The following PXK variants were observed in gnomAD, a reference collection of about 807,000 sequenced individuals.
PXK encodes PX domain-containing protein kinase-like protein.
In PXK, 35 loss-of-function variants were observed where a neutral mutation model predicts 84.7. That is an observed-to-expected ratio of 0.41 (90% CI 0.32 to 0.55). The LOEUF (loss-of-function observed/expected upper bound fraction) is 0.55. Among genes scored for constraint, PXK ranks in the 20% least tolerant of loss-of-function variants. The pLI is 0.21. For synonymous variants in PXK, 253 were observed against 260.8 expected (o/e 0.97, Z 0.29); for missense variants, 634 against 699.7 (o/e 0.91, Z 1.06).
chr3:58,340,718 T>C (rs1351724545), intron 1 of PXK, among the ~76,000 whole-genome samples: 1 of 150,128 alleles, frequency 6.7e-6, no homozygotes, highest in Non-Finnish European at 1.5e-5. Flanking sequence ...AGAGGGAAAC[T>C]CTGTCTCAAA....
At chr3:58,415,646 A>G (rs2060847101) in intron 17 of PXK, among the ~76,000 whole-genome samples, 1 of 152,218 alleles carries the variant, frequency 6.6e-6, no homozygotes, top group African/African-American at 2.4e-5. Flanking sequence ...TATAGAACCC[A>G]ATTTTGGTCT....
intron 1 of PXK, among the ~76,000 whole-genome samples, chr3:58,336,071 A>ATATATATATATATATT (rs1284780630): frequency 1.9e-4 from 10 of 51,576 alleles, no homozygotes; most frequent in South Asian, 6.3e-4. Context: ...ATATATATAT[A>ATATATATATATATATT]TTTTTTTTTT....
chr3:58,410,626 GA>G lies in PXK; in HGVS notation c.1465+468del, dbSNP rs373774824. Among the ~76,000 whole-genome samples, 1,202 of 152,334 alleles carry G rather than the reference GA, an allele frequency of 7.9e-3. 18 individuals carry two copies. Among genetic ancestry groups the G allele is most frequent in the African/African-American group, 0.027 (1,138 of 41,570 alleles). ...TGGCAAGAAACCGAGATGGTACAAA[GA>G]GCACTGTCCTGAGTTGGCAGTCCTT... is the stretch of plus-strand genomic sequence containing the variant. On this transcript the variant is annotated intron_variant, in intron 16 of 17. Coordinates refer to ENST00000356151, the MANE Select transcript of PXK (RefSeq NM_017771.5).
In PXK at chr3:58,416,815, G is replaced by A. The variant is rs745398358; in HGVS notation, c.1528+3852G>A. On this transcript the variant is annotated intron_variant, in intron 17 of 17. Coordinates refer to ENST00000356151, the MANE Select transcript of PXK (RefSeq NM_017771.5). The surrounding 1 kb of genome is among the most constrained non-coding windows in gnomAD (Gnocchi z 4.8). ...TTTTTGTATTTTTGATAGAGATGGG[G>A]TTTCACTACGTTGGCCAGGCTGGTC... Among the ~76,000 whole-genome samples the A allele has an allele frequency of 2.0e-5, 3 of 152,042 alleles. No individual in the cohort carries two copies. The highest frequency in any genetic ancestry group is 4.8e-5 in the African/African-American group (2 of 41,376).
intron 1 of PXK, among the ~76,000 whole-genome samples, chr3:58,351,081 A>T (rs1163914218): frequency 6.6e-6 from 1 of 152,190 alleles, no homozygotes; most frequent in African/African-American, 2.4e-5. Flanking sequence ...GAAAGTACTG[A>T]TGAGTAGTAA....
chr3:58,375,117 G>A (rs1273740441), intron 3 of PXK, among the ~76,000 whole-genome samples: 3 of 152,198 alleles, frequency 2.0e-5, no homozygotes, highest in Non-Finnish European at 4.4e-5. Context: ...GATACTTTAT[G>A]AAATTCACTC....
chr3:58,346,986 G>A (rs1243899679), intron 1 of PXK, among the ~76,000 whole-genome samples: 1 of 152,072 alleles, frequency 6.6e-6, no homozygotes, highest in Non-Finnish European at 1.5e-5. Context: ...CTACAGGCGC[G>A]TGCCACCATG....
intron 13 of PXK, among the ~76,000 whole-genome samples, chr3:58,405,197 AG>A (rs1456879763): frequency 6.6e-6 from 1 of 152,208 alleles, no homozygotes; most frequent in Admixed American, 6.5e-5. Flanking sequence ...CCATGGAAGT[AG>A]GTGGGAGACT....
chr3:58,368,389 CT>C (rs1233375326), intron 2 of PXK, among the ~76,000 whole-genome samples: 1 of 152,156 alleles, frequency 6.6e-6, no homozygotes, highest in Non-Finnish European at 1.5e-5. Context: ...GTGGAGCGAT[CT>C]CTGCTCACTG....
rs375283139 is a variant in PXK at position 58,370,842 on chromosome 3, T to A, written c.201+1364T>A. Among the ~76,000 whole-genome samples, 1,021 of 151,478 alleles carry A rather than the reference T, an allele frequency of 6.7e-3. 15 individuals carry two copies. Among genetic ancestry groups the A allele is most frequent in the African/African-American group, 0.023 (953 of 41,364 alleles). Reference sequence around the variant, plus strand: ...GGCGAAACCCTGTCTCTACTAAAAATACAAAAATTAGCTGGGTGTGGTGTG... The same window carrying A: ...GGCGAAACCCTGTCTCTACTAAAAAAACAAAAATTAGCTGGGTGTGGTGTG... On this transcript the variant is annotated intron_variant, in intron 3 of 17. Transcript: ENST00000356151. This position sits in a 1 kb window ranked among gnomAD's most constrained non-coding sequence, Gnocchi z 4.2.
chr3:58,424,298 C>T (rs2062466873), intron 17 of PXK, among the ~76,000 whole-genome samples: 1 of 152,168 alleles, frequency 6.6e-6, no homozygotes, highest in Non-Finnish European at 1.5e-5. Context: ...AAGAACTGTT[C>T]ACCCCTTATG....
chr3:58,390,103 A>G lies in PXK; in HGVS notation c.389-479A>G, dbSNP rs551061353. Reference sequence around the variant, plus strand: ...TGAGGTGGGAGGATCACTTGAGCCCAGGAGGTTGAGTTTGCAGTGAGCCAT... The same window carrying G: ...TGAGGTGGGAGGATCACTTGAGCCCGGGAGGTTGAGTTTGCAGTGAGCCAT... On this transcript the variant is annotated intron_variant, in intron 4 of 17. Coordinates refer to ENST00000356151, the MANE Select transcript of PXK (RefSeq NM_017771.5). The surrounding 1 kb of genome is among the most constrained non-coding windows in gnomAD (Gnocchi z 4.2). 1.3e-3 allele frequency among the ~76,000 whole-genome samples: 201 copies of G among 150,908 alleles called. No homozygotes were observed. Among genetic ancestry groups the G allele is most frequent in the Non-Finnish European group, 2.6e-3 (173 of 67,768 alleles).
At chr3:58,374,886 T>G (rs2098424617) in intron 3 of PXK, among the ~76,000 whole-genome samples, 1 of 152,182 alleles carries the variant, frequency 6.6e-6, no homozygotes, top group South Asian at 2.1e-4. Flanking sequence ...TTTAGGAATT[T>G]TTTTTGTGAG....
chr3:58,339,172 C>T (rs537939878), intron 1 of PXK, among the ~76,000 whole-genome samples: 1 of 150,926 alleles, frequency 6.6e-6, no homozygotes, highest in South Asian at 2.1e-4. Flanking sequence ...TTGTCTCTTC[C>T]TATTGAAGAC....
intron 1 of PXK, among the ~76,000 whole-genome samples, chr3:58,344,011 C>T (rs1177670674): frequency 6.6e-6 from 1 of 152,148 alleles, no homozygotes; most frequent in African/African-American, 2.4e-5. Context: ...ACCCCCCTCC[C>T]CCAGTCACAC....
At chr3:58,357,152 G>T (rs1373632070) in intron 1 of PXK, among the ~76,000 whole-genome samples, 1 of 151,624 alleles carries the variant, frequency 6.6e-6, no homozygotes, top group South Asian at 2.1e-4. Context: ...GGCGGCACAC[G>T]CCTGTAGTCC....
chr3:58,362,802 C>T (rs1247193608), intron 1 of PXK, among the ~76,000 whole-genome samples: 5 of 152,174 alleles, frequency 3.3e-5, no homozygotes, highest in African/African-American at 1.2e-4. Flanking sequence ...CAGCTTCAGC[C>T]TCCCAGGCTC....
chr3:58,399,473 C>A lies in PXK; in HGVS notation c.1181+96C>A. The A allele has an allele frequency of 1.6e-6, 2 of 1,260,654 alleles. No homozygotes were observed. The highest frequency in any genetic ancestry group is 2.4e-5 in the East Asian group (1 of 40,966). The allele number at this position is 1,260,654 out of a possible 1,614,324, so 78.1% of individuals were successfully genotyped here. A position where few individuals can be genotyped will look rare whatever the true frequency, so the allele number is the denominator to read the frequency against. ...CCTGGTACTGTAGTAAAGATTCTTG[C>A]GGTCCCTGCAGAGTTGGCGTGGCCT... On this transcript the variant is annotated intron_variant, in intron 12 of 17. Transcript: ENST00000356151. This position sits in a 1 kb window ranked among gnomAD's most constrained non-coding sequence, Gnocchi z 4.3.
chr3:58,344,879 G>A (rs1217841998), intron 1 of PXK, among the ~76,000 whole-genome samples: 2 of 152,194 alleles, frequency 1.3e-5, no homozygotes, highest in African/African-American at 4.8e-5. Flanking sequence ...ATAGGGCTCA[G>A]CCATGAGCTC....
Sources: allele counts gnomAD v4.1 joint callset (sites outside exome capture counted in the v4.1 genomes callset), GRCh38; gene constraint gnomAD v4.1.1; non-coding constraint Gnocchi (gnomAD v3.1); transcripts MANE v1.5; gene names NCBI Gene and HGNC (gene_info 2026-07-23, HGNC 2026-07-21).